The following ACAP1 variants were observed in gnomAD, a reference collection of about 807,000 sequenced individuals.
ACAP1 encodes the protein ArfGAP with coiled-coil, ankyrin repeat and PH domains 1.
In ACAP1, 45 loss-of-function variants were observed where a neutral mutation model predicts 98.8. That is an observed-to-expected ratio of 0.46 (90% CI 0.36 to 0.58). The LOEUF is 0.58. ACAP1 is among the 20% of genes least tolerant of loss of function. ACAP1 has a pLI of 0.00. For missense variants in ACAP1, 735 were observed against 971.4 expected (o/e 0.76, Z 3.24); for synonymous variants, 362 against 375.3 (o/e 0.96, Z 0.41).
In ACAP1 at chr17:7,336,701, C is replaced by T. The variant is rs779573054; in HGVS notation, c.-34C>T. ...CCTGCATCCCCAGGGGCCCGGCCTC[C>T]AGGGCCCGCTGGCCCCACAGCAGGC... On this transcript the variant is annotated 5_prime_UTR_variant, in exon 1 of 22. Transcript: ENST00000158762. The T allele has an allele frequency of 6.2e-7, 1 of 1,613,416 alleles. No individual in the cohort carries two copies. Among genetic ancestry groups the T allele is most frequent in the East Asian group, 2.2e-5 (1 of 44,854 alleles).
intron 21 of ACAP1, 118 bp from the exon 22 acceptor site, chr17:7,351,177 G>A (rs1222736294): frequency 2.7e-6 from 3 of 1,099,350 alleles, no homozygotes; most frequent in African/African-American, 3.1e-5. Flanking sequence ...CAGTGCCCGC[G>A]GCGCGCACGT....
Position 7,343,525 on chromosome 17 carries a change from C to T in ACAP1, c.491C>T (p.Ala164Val). The T allele has an allele frequency of 1.2e-6, 2 of 1,613,902 alleles. No individual in the cohort carries two copies. The highest frequency in any genetic ancestry group is 2.2e-5 in the East Asian group (1 of 44,880). Residue 164 changes from alanine (A) to valine (V), a missense_variant, in exon 6 of 22, where the codon GCT becomes GTT. Physicochemically the swap from Ala to Val is moderately conservative, Grantham distance 64. Transcript: ENST00000158762. This position sits in a 1 kb window ranked among gnomAD's most constrained non-coding sequence, Gnocchi z 4.9. ...GGAGCTGCTTTGAGGACGGCTCGAGCTGGGTACCGGGGACGGGCACTGGAT... is the reference window on the plus strand; with the variant it reads ...GGAGCTGCTTTGAGGACGGCTCGAGTTGGGTACCGGGGACGGGCACTGGAT... ...EAGAALRTAR[A>V]GYRGRALDYA...
chr17:7,343,720 G>A lies in ACAP1; in HGVS notation c.543G>A (p.Glu181=), dbSNP rs1482719104. ...LDYALQINVI[E]DKRKFDIMEF... Reference sequence around the variant, plus strand: ...TACGTCCTCAGATCAACGTGATTGAGGACAAGAGGAAGTTTGACATCATGG... The same window carrying A: ...TACGTCCTCAGATCAACGTGATTGAAGACAAGAGGAAGTTTGACATCATGG... Residue 181 remains glutamate (E), a synonymous_variant, in exon 7 of 22, where the codon GAG becomes GAA. Coordinates refer to ENST00000158762, the MANE Select transcript of ACAP1 (RefSeq NM_014716.4). This position sits in a 1 kb window ranked among gnomAD's most constrained non-coding sequence, Gnocchi z 4.9. The A allele has an allele frequency of 6.2e-7, 1 of 1,613,956 alleles. No homozygotes were observed. Among genetic ancestry groups the A allele is most frequent in the Non-Finnish European group, 8.5e-7 (1 of 1,180,004 alleles).
chr17:7,341,952 T>C lies in ACAP1; in HGVS notation c.116T>C (p.Leu39Pro). The C allele has an allele frequency of 6.2e-7, 1 of 1,614,136 alleles. No homozygotes were observed. The highest frequency in any genetic ancestry group is 1.1e-5 in the South Asian group (1 of 91,086). The change falls in exon 3 of 22, where the codon CTG (leucine) becomes CCG (proline). Residue 39 changes from leucine (L) to proline (P), a missense_variant. Leu to Pro is a moderately conservative substitution (Grantham distance 98, BLOSUM62 -3). Coordinates refer to ENST00000158762, the MANE Select transcript of ACAP1 (RefSeq NM_014716.4). The part of the protein sequence containing the change: ...SELETRLEKL[L>P]KLGTGLLESG... ...GTTACCCTCCTTCTTTCCCAGCTCC[T>C]GAAACTGGGCACTGGTCTCCTGGAA...
chr17:7,336,554 G>A lies in ACAP1; in HGVS notation c.-181G>A, dbSNP rs1056934627. Reference sequence around the variant, plus strand: ...AGCACTGCCTGGAAGTGTGGGGTGAGAGCTCCTCCTAGGACACCCCTTTCC... The same window carrying A: ...AGCACTGCCTGGAAGTGTGGGGTGAAAGCTCCTCCTAGGACACCCCTTTCC... On this transcript the variant is annotated 5_prime_UTR_variant, in exon 1 of 22. Coordinates refer to ENST00000158762, the MANE Select transcript of ACAP1 (RefSeq NM_014716.4). 2.6e-5 allele frequency: 16 copies of A among 622,048 alleles called. No homozygotes were observed. The Middle Eastern group carries it at 1.3e-3, about 52-fold the overall frequency. The allele number at this position is 622,048 out of a possible 1,614,324, so 38.5% of individuals were successfully genotyped here. A position where few individuals can be genotyped will look rare whatever the true frequency, so the allele number is the denominator to read the frequency against.
At position 7,348,882 on chromosome 17, in the gene ACAP1, G is replaced by C. The variant is rs2073374834; in HGVS notation, c.1679-113G>C. ...CACTCTATTCCCTCCACAGTCCCAA[G>C]CTCCCCATCATTTAGAAGAGACCTG... is the stretch of plus-strand genomic sequence containing the variant. On this transcript the variant is annotated intron_variant, in intron 17 of 21. Coordinates refer to ENST00000158762, the MANE Select transcript of ACAP1 (RefSeq NM_014716.4). The C allele has an allele frequency of 9.0e-6, 9 of 998,896 alleles. No homozygotes were observed. The East Asian group carries it at 2.2e-4, about 24-fold the overall frequency. The allele number at this position is 998,896 out of a possible 1,614,324, so 61.9% of individuals were successfully genotyped here. A position where few individuals can be genotyped will look rare whatever the true frequency, so the allele number is the denominator to read the frequency against.
intron 1 of ACAP1, among the ~76,000 whole-genome samples, chr17:7,337,032 C>T (rs917588218): frequency 6.6e-6 from 1 of 151,992 alleles, no homozygotes; most frequent in African/African-American, 2.4e-5. Flanking sequence ...TCTGGCCTCT[C>T]AGTGGGACCC....
chr17:7,344,709 T>C lies in ACAP1; in HGVS notation c.854+61T>C. 7.9e-7 allele frequency: 1 copy of C among 1,263,070 alleles called. No homozygotes were observed. Among genetic ancestry groups the C allele is most frequent in the Non-Finnish European group, 1.1e-6 (1 of 885,886 alleles). 78.2% of individuals were successfully genotyped at this position (1,263,070 alleles called of 1,614,324 possible). A position where few individuals can be genotyped will look rare whatever the true frequency, so the allele number is the denominator to read the frequency against. On this transcript the variant is annotated intron_variant, in intron 10 of 21. Coordinates refer to ENST00000158762, the MANE Select transcript of ACAP1 (RefSeq NM_014716.4). This position sits in a 1 kb window ranked among gnomAD's most constrained non-coding sequence, Gnocchi z 4.9. ...CCAATGATGTATTTTCGAGTGGTAA[T>C]AGCACACTAAGCACTGCAAGGAAAA...
chr17:7,346,122 G>A (rs983116690), intron 10 of ACAP1, 122 bp from the exon 11 acceptor site: 8 of 877,044 alleles, frequency 9.1e-6, no homozygotes, highest in South Asian at 5.5e-5. Flanking sequence ...GGAATGTCTC[G>A]TGGAACAGTC....
chr17:7,348,709 AG>A (rs2073372566), intron 17 of ACAP1: 1 of 575,480 alleles, frequency 1.7e-6, no homozygotes, highest in Non-Finnish European at 3.0e-6. Flanking sequence ...AAGGAGAGAG[AG>A]AGGGGGTGGG....
intron 5 of ACAP1, 91 bp downstream of exon 5, chr17:7,342,565 A>G: frequency 1.4e-6 from 2 of 1,395,206 alleles, no homozygotes; most frequent in Non-Finnish European, 2.0e-6. Flanking sequence ...CAGGAGTTGG[A>G]CACCAACCTA....
At chr17:7,348,944 T>C in intron 17 of ACAP1, 51 bp from the exon 18 acceptor site, 1 of 1,562,358 alleles carries the variant, frequency 6.4e-7, no homozygotes, top group East Asian at 2.2e-5. Context: ...GAGGGTTTTC[T>C]TCCCAGACTC....
Position 7,350,249 on chromosome 17 carries a change from T to C in ACAP1, c.2072+12T>C. The C allele has an allele frequency of 6.2e-7, 1 of 1,610,400 alleles. No individual in the cohort carries two copies. On this transcript the variant is annotated intron_variant, in intron 20 of 21. Coordinates refer to ENST00000158762, the MANE Select transcript of ACAP1 (RefSeq NM_014716.4). The surrounding 1 kb of genome is among the most constrained non-coding windows in gnomAD (Gnocchi z 4.6). ...GACATCGTCACCCTGTAAGAATGCC[T>C]GAAGGGGCGGGGCTGGCGCTGGGAC...
intron 2 of ACAP1, among the ~76,000 whole-genome samples, chr17:7,338,911 A>G (rs1217630378): frequency 7.2e-5 from 11 of 151,944 alleles, no homozygotes; most frequent in Non-Finnish European, 1.5e-4. Context: ...TCATGTACCC[A>G]TCACCCAGCT....
At chr17:7,337,194 G>C (rs1213385754) in intron 1 of ACAP1, 118 bp from the exon 2 acceptor site, 7 of 914,414 alleles carry the variant, frequency 7.7e-6, no homozygotes, top group Non-Finnish European at 1.2e-5. Context: ...TGGGGGGCGA[G>C]CCTCTCAACT....
chr17:7,347,313 C>T (rs1321786749), intron 14 of ACAP1, 71 bp downstream of exon 14: 1 of 1,366,926 alleles, frequency 7.3e-7, no homozygotes, highest in Non-Finnish European at 1.0e-6. Flanking sequence ...CAGAGCGCAT[C>T]ACACCGGCCC....
At chr17:7,349,269 G>A in intron 18 of ACAP1, 102 bp downstream of exon 18, 3 of 1,285,656 alleles carry the variant, frequency 2.3e-6, no homozygotes, top group Non-Finnish European at 3.2e-6. Context: ...CTGTTCCCTA[G>A]GGCTTCCACC....
At position 7,350,343 on chromosome 17, in the gene ACAP1, T is replaced by G. The variant is rs905389351; in HGVS notation, c.2072+106T>G. On this transcript the variant is annotated intron_variant, in intron 20 of 21. Transcript: ENST00000158762. This position sits in a 1 kb window ranked among gnomAD's most constrained non-coding sequence, Gnocchi z 4.6. ...CTGACGCCGAAACAGAAGCCTGTGC[T>G]GTGGGGCCTCGGAAAGGGGCTGGGC... 1 of 888,528 alleles carries G rather than the reference T, an allele frequency of 1.1e-6. No homozygotes were observed. The highest frequency in any genetic ancestry group is 1.7e-6 in the Non-Finnish European group (1 of 588,792). The allele number at this position is 888,528 out of a possible 1,614,324, so 55.0% of individuals were successfully genotyped here. A position where few individuals can be genotyped will look rare whatever the true frequency, so the allele number is the denominator to read the frequency against.
chr17:7,350,426 A>G lies in ACAP1; in HGVS notation c.2072+189A>G. ...CGAAGTGTGCACTGGGACGTGGAGT[A>G]GAAGGCAGGCGGGAGGGCGGGCAGG... On this transcript the variant is annotated intron_variant, in intron 20 of 21. Transcript: ENST00000158762. The surrounding 1 kb of genome is among the most constrained non-coding windows in gnomAD (Gnocchi z 4.6). 2 of 531,326 alleles carry G rather than the reference A, an allele frequency of 3.8e-6. No homozygotes were observed. The highest frequency in any genetic ancestry group is 6.8e-6 in the Non-Finnish European group (2 of 294,000). The allele number at this position is 531,326 out of a possible 1,614,324, so 32.9% of individuals were successfully genotyped here. A position where few individuals can be genotyped will look rare whatever the true frequency, so the allele number is the denominator to read the frequency against.
Sources: gnomAD v4.1 joint callset for allele counts (sites outside exome capture counted in the v4.1 genomes callset) on GRCh38, gnomAD v4.1.1 for gene constraint, Gnocchi (gnomAD v3.1) non-coding constraint, MANE v1.5 for transcripts, NCBI Gene and HGNC (gene_info 2026-07-23, HGNC 2026-07-21) for gene names.